The following CLEC16A variants were observed in gnomAD, a reference collection of about 807,000 sequenced individuals.
CLEC16A encodes protein CLEC16A.
A neutral mutation model predicts 109.5 loss-of-function variants in CLEC16A; 51 were observed. That is an observed-to-expected ratio of 0.47 (90% CI 0.37 to 0.59). The LOEUF is 0.59. CLEC16A is among the 20% of genes least tolerant of loss of function. The pLI, the probability that CLEC16A is intolerant of heterozygous loss-of-function variation, is 0.00. For missense variants in CLEC16A, 1,339 were observed against 1,394.0 expected (o/e 0.96, Z 0.63); for synonymous variants, 673 against 564.2 (o/e 1.19, Z -2.73).
At chr16:11,164,232 G>A (rs537076765) in intron 22 of CLEC16A, among the ~76,000 whole-genome samples, 11 of 152,328 alleles carry the variant, frequency 7.2e-5, no homozygotes, top group African/African-American at 2.2e-4. Context: ...CAGGATGACC[G>A]CCTCACTCGG....
At chr16:11,028,802 C>T (rs1412466204) in intron 13 of CLEC16A, among the ~76,000 whole-genome samples, 1 of 152,148 alleles carries the variant, frequency 6.6e-6, no homozygotes, top group African/African-American at 2.4e-5. Context: ...TTAAACCTTT[C>T]TTCTCTATGA....
At chr16:10,971,022 TTTTG>T in intron 4 of CLEC16A, 99 bp from the exon 5 acceptor site, 3 of 614,150 alleles carry the variant, frequency 4.9e-6, no homozygotes, top group East Asian at 3.0e-5. Flanking sequence ...TTTTTTTTTT[TTTTG>T]TCTTTTTCTG....
intron 17 of CLEC16A, among the ~76,000 whole-genome samples, chr16:11,050,960 ACCAGC>A: frequency 6.6e-6 from 1 of 152,238 alleles, no homozygotes; most frequent in Non-Finnish European, 1.5e-5. Flanking sequence ...TCTGCCACCC[ACCAGC>A]TGAGCGACCT....
At chr16:11,014,437 A>T (rs947603434) in intron 11 of CLEC16A, among the ~76,000 whole-genome samples, 1 of 152,242 alleles carries the variant, frequency 6.6e-6, no homozygotes, top group African/African-American at 2.4e-5. Context: ...ATACTTCCAG[A>T]GGTGTGTCTT....
intron 19 of CLEC16A, among the ~76,000 whole-genome samples, chr16:11,104,921 C>G (rs1335493512): frequency 2.6e-5 from 4 of 152,186 alleles, no homozygotes; most frequent in South Asian, 4.1e-4. Context: ...CTTCCGAAGA[C>G]CAGGATACCC....
intron 10 of CLEC16A, among the ~76,000 whole-genome samples, chr16:10,988,577 A>G (rs1162766364): frequency 6.6e-6 from 1 of 152,154 alleles, no homozygotes; most frequent in Admixed American, 6.5e-5. Context: ...TCAGAGCAGA[A>G]GTCACTTCCT....
At chr16:11,019,240 G>T (rs918490241) in intron 11 of CLEC16A, among the ~76,000 whole-genome samples, 6 of 152,086 alleles carry the variant, frequency 3.9e-5, no homozygotes, top group African/African-American at 1.4e-4. Flanking sequence ...ACTCTGATGG[G>T]GACACCATAA....
chr16:10,973,597 A>G lies in CLEC16A; in HGVS notation c.728+536A>G, dbSNP rs1191944215. 2.6e-5 allele frequency among the ~76,000 whole-genome samples: 4 copies of G among 151,862 alleles called. No individual in the cohort carries two copies. The South Asian group carries it at 8.3e-4, about 32-fold the overall frequency. On this transcript the variant is annotated intron_variant, in intron 7 of 23. Coordinates refer to ENST00000409790, the MANE Select transcript of CLEC16A (RefSeq NM_015226.3). Reference sequence around the variant, plus strand: ...TTTTTTTTCTTTTTTGAGACAGAGTATTGCTCTGTCACCCAGGCTGGAGAG... The same window carrying G: ...TTTTTTTTCTTTTTTGAGACAGAGTGTTGCTCTGTCACCCAGGCTGGAGAG...
chr16:11,112,010 G>T (rs1489914370), intron 19 of CLEC16A, among the ~76,000 whole-genome samples: 3 of 152,260 alleles, frequency 2.0e-5, no homozygotes, highest in Non-Finnish European at 4.4e-5. Flanking sequence ...ATGTCTGCCA[G>T]TTGGAGAGCT....
chr16:11,157,945 A>G (rs1301233939), intron 22 of CLEC16A, among the ~76,000 whole-genome samples: 1 of 152,144 alleles, frequency 6.6e-6, no homozygotes, highest in East Asian at 1.9e-4. Context: ...AGAAGCACGA[A>G]CAAGAAGGTT....
At chr16:10,999,829 C>A (rs1049433761) in intron 10 of CLEC16A, among the ~76,000 whole-genome samples, 4 of 151,920 alleles carry the variant, frequency 2.6e-5, no homozygotes, top group Admixed American at 6.6e-5. Flanking sequence ...TCTGAAGGAA[C>A]TTTATTACTT....
At chr16:11,109,774 G>T (rs939786688) in intron 19 of CLEC16A, among the ~76,000 whole-genome samples, 2 of 152,212 alleles carry the variant, frequency 1.3e-5, no homozygotes, top group Non-Finnish European at 2.9e-5. Context: ...CAAGGGATCA[G>T]TGTTCCCTGT....
At chr16:11,152,592 A>G (rs1252647692) in intron 22 of CLEC16A, among the ~76,000 whole-genome samples, 2 of 152,244 alleles carry the variant, frequency 1.3e-5, no homozygotes, top group African/African-American at 2.4e-5. Flanking sequence ...TGAGCAAAAG[A>G]CATCAGTTAC....
chr16:11,172,011 CACACTT>C (rs1212965184), intron 23 of CLEC16A, among the ~76,000 whole-genome samples: 18 of 152,226 alleles, frequency 1.2e-4, no homozygotes, highest in African/African-American at 4.1e-4. Flanking sequence ...TACACACACT[CACACTT>C]ACAAATGTGC....
chr16:10,950,156 A>C (rs1366412515), intron 1 of CLEC16A, among the ~76,000 whole-genome samples: 1 of 152,200 alleles, frequency 6.6e-6, no homozygotes, highest in African/African-American at 2.4e-5. Context: ...TTAGACCCTC[A>C]GGAAGCTGGC....
chr16:11,100,261 A>G (rs1276395290), intron 19 of CLEC16A, among the ~76,000 whole-genome samples: 1 of 152,098 alleles, frequency 6.6e-6, no homozygotes, highest in Non-Finnish European at 1.5e-5. Flanking sequence ...ACCACCTATC[A>G]TGCCCTCCTA....
At chr16:11,177,522 C>A (rs2068798326) in intron 23 of CLEC16A, among the ~76,000 whole-genome samples, 1 of 151,936 alleles carries the variant, frequency 6.6e-6, no homozygotes. Context: ...ATCACTTGAC[C>A]CCGGGAGGTG....
At chr16:11,166,996 G>A (rs570313393) in intron 23 of CLEC16A, among the ~76,000 whole-genome samples, 16 of 152,170 alleles carry the variant, frequency 1.1e-4, no homozygotes, top group South Asian at 4.2e-4. Context: ...CCAGTTGTTC[G>A]AGTAGGCACG....
intron 23 of CLEC16A, among the ~76,000 whole-genome samples, chr16:11,175,226 G>A (rs2068698758): frequency 6.6e-6 from 1 of 152,248 alleles, no homozygotes; most frequent in African/African-American, 2.4e-5. Flanking sequence ...TGCTGGCCAG[G>A]CACATGGGGG....
Sources: allele counts gnomAD v4.1 joint callset (sites outside exome capture counted in the v4.1 genomes callset), GRCh38; gene constraint gnomAD v4.1.1; transcripts MANE v1.5; gene names NCBI Gene and HGNC (gene_info 2026-07-23, HGNC 2026-07-21).